The following CDIN1 variants were observed in gnomAD, a reference collection of about 807,000 sequenced individuals.
CDIN1 encodes CDAN1-interacting nuclease 1.
CDIN1 carries 33 observed loss-of-function variants against 45.3 expected under a neutral mutation model. That is an observed-to-expected ratio of 0.73 (90% CI 0.55 to 0.97). The LOEUF (loss-of-function observed/expected upper bound fraction) is 0.97, where lower values mean the gene tolerates loss of function less well. Among genes scored for constraint, CDIN1 ranks in the 50% least tolerant of loss-of-function variants. The probability of loss-of-function intolerance (pLI) is 0.00; values close to 1 mark genes in which losing one functional copy is unlikely to be tolerated. For missense variants in CDIN1, 303 were observed against 339.4 expected, an observed-to-expected ratio of 0.89 and a Z score of 0.84; for synonymous variants, 118 against 124.4, an observed-to-expected ratio of 0.95 and a Z score of 0.34.
chr15:36,688,187 T>C (rs1477075445), intron 5 of CDIN1, among the ~76,000 whole-genome samples: 1 of 151,238 alleles, frequency 6.6e-6, no homozygotes, highest in Non-Finnish European at 1.5e-5. Context: ...GTAAAGAGGA[T>C]CGACAGAGCC....
chr15:36,676,976 A>G (rs1251137180), intron 5 of CDIN1, among the ~76,000 whole-genome samples: 2 of 152,158 alleles, frequency 1.3e-5, no homozygotes, highest in East Asian at 1.9e-4. Flanking sequence ...ACATACCTAT[A>G]CCAGTGATAA....
chr15:36,693,632 A>G (rs987627146), intron 7 of CDIN1, among the ~76,000 whole-genome samples: 9 of 152,194 alleles, frequency 5.9e-5, no homozygotes, highest in African/African-American at 2.2e-4. Flanking sequence ...CTATCTAATT[A>G]TGTATGCACG....
At chr15:36,771,442 T>C (rs1446188947) in intron 10 of CDIN1, among the ~76,000 whole-genome samples, 1 of 152,200 alleles carries the variant, frequency 6.6e-6, no homozygotes, top group South Asian at 2.1e-4. Flanking sequence ...CCCTTAGGGA[T>C]TCTGATTTGT....
chr15:36,797,146 G>A (rs1381595070), intron 10 of CDIN1, among the ~76,000 whole-genome samples: 1 of 152,176 alleles, frequency 6.6e-6, no homozygotes, highest in East Asian at 1.9e-4. Context: ...TGTAGAGATG[G>A]CAGTTGTGGT....
intron 10 of CDIN1, chr15:36,734,409 TTA>T (rs1491467394): frequency 7.2e-6 from 3 of 414,772 alleles, no homozygotes; most frequent in Admixed American, 3.1e-5. Flanking sequence ...ATTTTTTTTT[TTA>T]AAAAAAGCTC....
At chr15:36,794,544 G>A (rs1243424914) in intron 10 of CDIN1, among the ~76,000 whole-genome samples, 2 of 152,088 alleles carry the variant, frequency 1.3e-5, no homozygotes, top group African/African-American at 2.4e-5. Context: ...AAAGCATACA[G>A]TATTTGTCCG....
intron 1 of CDIN1, chr15:36,641,691 A>T (rs1362709907): frequency 6.6e-6 from 1 of 152,212 alleles, no homozygotes; most frequent in African/African-American, 2.4e-5. Context: ...TATAAAAAAA[A>T]TGTGAGTACT....
rs756117666 is a variant in CDIN1, at chr15:36,709,303, T to A, written c.610+15T>A. Reference sequence around the variant, plus strand: ...AGTACCAGTTGGTAAGTTCTTTAACTCTGTTATGCATTTGTTTTTAGAGAA... The same window carrying A: ...AGTACCAGTTGGTAAGTTCTTTAACACTGTTATGCATTTGTTTTTAGAGAA... On this transcript the variant is annotated intron_variant, in intron 9 of 10. Transcript: ENST00000566621. 14 of 1,589,870 alleles carry A rather than the reference T, an allele frequency of 8.8e-6. No homozygotes were observed. The Admixed American group carries it at 1.7e-4, about 20-fold the overall frequency.
At chr15:36,741,423 C>A (rs1282480368) in intron 10 of CDIN1, among the ~76,000 whole-genome samples, 3 of 147,998 alleles carry the variant, frequency 2.0e-5, no homozygotes, top group East Asian at 2.0e-4. Context: ...TTGTCTTCAT[C>A]AAATAATTAT....
intron 10 of CDIN1, among the ~76,000 whole-genome samples, chr15:36,711,585 T>C (rs2043057678): frequency 6.6e-6 from 1 of 152,192 alleles, no homozygotes; most frequent in Admixed American, 6.5e-5. Context: ...TTTGTTGCAT[T>C]CTACTTTTAC....
chr15:36,673,576 C>T (rs572258775), intron 5 of CDIN1, among the ~76,000 whole-genome samples: 1 of 151,980 alleles, frequency 6.6e-6, no homozygotes, highest in East Asian at 1.9e-4. Context: ...CATTTTCATC[C>T]CAGAGAAAAA....
intron 8 of CDIN1, among the ~76,000 whole-genome samples, chr15:36,699,832 G>A (rs2140767985): frequency 6.6e-6 from 1 of 152,262 alleles, no homozygotes; most frequent in Middle Eastern, 3.4e-3. Flanking sequence ...AAAAACAGAA[G>A]TGTTCTTATC....
intron 1 of CDIN1, among the ~76,000 whole-genome samples, chr15:36,584,846 C>G (rs2037218367): frequency 6.6e-6 from 1 of 152,096 alleles, no homozygotes; most frequent in African/African-American, 2.4e-5. Context: ...AGACAGTGGC[C>G]CCAGCCAGGA....
At chr15:36,671,432 A>T (rs1482437690) in intron 5 of CDIN1, among the ~76,000 whole-genome samples, 1 of 151,964 alleles carries the variant, frequency 6.6e-6, no homozygotes. Flanking sequence ...TTTGTTTTTA[A>T]TATTTCCTGT....
chr15:36,709,250 A>T lies in CDIN1; in HGVS notation c.572A>T (p.Tyr191Phe). The change falls in exon 9 of 11, where the codon TAT becomes TTT. Residue 191 changes from tyrosine (Y) to phenylalanine (F), a missense_variant. Coordinates refer to ENST00000566621, the MANE Select transcript of CDIN1 (RefSeq NM_001321759.2). ...LDEDQLRAKG[Y>F]DKTPDFILQV... ...GAAGATCAGCTTCGTGCAAAGGGTT[A>T]TGACAAAACACCAGACTTCATTTTA... 6.2e-7 allele frequency: 1 copy of T among 1,603,892 alleles called. No individual in the cohort carries two copies.
intron 1 of CDIN1, chr15:36,619,028 T>A: frequency 7.1e-7 from 1 of 1,401,350 alleles, no homozygotes; most frequent in Non-Finnish European, 9.8e-7. Flanking sequence ...CGCTCCAATG[T>A]AGTGTCTCCC....
chr15:36,725,717 C>T (rs909095911), intron 10 of CDIN1, among the ~76,000 whole-genome samples: 1 of 152,126 alleles, frequency 6.6e-6, no homozygotes, highest in Non-Finnish European at 1.5e-5. Context: ...TTAGATTTAT[C>T]TACTGTGAAG....
intron 4 of CDIN1, 144 bp from the exon 5 acceptor site, chr15:36,657,689 C>A (rs1202756501): frequency 3.4e-6 from 2 of 594,474 alleles, no homozygotes; most frequent in Non-Finnish European, 5.8e-6. Flanking sequence ...ATAATGGAAG[C>A]CACCAAGGGT....
intron 1 of CDIN1, among the ~76,000 whole-genome samples, chr15:36,622,247 A>G (rs1278277945): frequency 6.6e-6 from 1 of 152,046 alleles, no homozygotes. Context: ...TTTTACTGTC[A>G]CGTGTAGAGT....
Sources: gnomAD v4.1 joint callset for allele counts (sites outside exome capture counted in the v4.1 genomes callset) on GRCh38, gnomAD v4.1.1 for gene constraint, MANE v1.5 for transcripts, NCBI Gene and HGNC (gene_info 2026-07-23, HGNC 2026-07-21) for gene names.